The following ADORA2B variants were observed in gnomAD, a reference collection of about 807,000 sequenced individuals.
ADORA2B encodes the protein adenosine receptor A2b.
ADORA2B carries 18 observed loss-of-function variants against 20.8 expected under a neutral mutation model. That is an observed-to-expected ratio of 0.87 (90% CI 0.60 to 1.29). The LOEUF is 1.29. ADORA2B is among the 50% of genes most tolerant of loss of function. The pLI is 0.00. For missense variants in ADORA2B, 441 were observed against 422.7 expected (o/e 1.04, Z -0.38); for synonymous variants, 179 against 178.3 (o/e 1.00, Z -0.03).
the ADORA2B span, among the ~76,000 whole-genome samples, chr17:15,900,568 T>C: frequency 2.0e-5 from 3 of 151,862 alleles, no homozygotes; most frequent in Non-Finnish European, 4.4e-5. Flanking sequence ...CACCTCAGCC[T>C]CCCAAGTAGC....
chr17:15,924,527 C>T, the ADORA2B span, among the ~76,000 whole-genome samples: 3 of 151,978 alleles, frequency 2.0e-5, no homozygotes, highest in East Asian at 1.9e-4. Context: ...GTCAGGAGAT[C>T]GAGACCATCC....
At chr17:15,931,639 A>T in the ADORA2B span, among the ~76,000 whole-genome samples, 1 of 152,194 alleles carries the variant, frequency 6.6e-6, no homozygotes, top group Non-Finnish European at 1.5e-5. Context: ...TCTACACAGG[A>T]TCAAGTTACA....
At chr17:15,895,136 A>C in the ADORA2B span, among the ~76,000 whole-genome samples, 1 of 152,158 alleles carries the variant, frequency 6.6e-6, no homozygotes, top group Non-Finnish European at 1.5e-5. Flanking sequence ...GACCATCCAC[A>C]TGATTAGATG....
At chr17:15,903,216 A>G in the ADORA2B span, among the ~76,000 whole-genome samples, 1 of 152,250 alleles carries the variant, frequency 6.6e-6, no homozygotes, top group South Asian at 2.1e-4. Context: ...GGCTTTTGCA[A>G]GAAACATGGC....
upstream of ADORA2B, among the ~76,000 whole-genome samples, chr17:15,944,272 G>T (rs948562323): frequency 1.3e-5 from 2 of 152,162 alleles, no homozygotes; most frequent in Non-Finnish European, 2.9e-5. This position sits in a 1 kb window ranked among gnomAD's most constrained non-coding sequence, Gnocchi z 4.8. Flanking sequence ...CTCTCCTGGC[G>T]AGAGTCGGCA....
chr17:15,903,093 T>C, the ADORA2B span, among the ~76,000 whole-genome samples: 1 of 152,256 alleles, frequency 6.6e-6, no homozygotes, highest in Non-Finnish European at 1.5e-5. Flanking sequence ...GAAGTAATTA[T>C]AAACATCTAG....
chr17:15,967,656 T>G (rs1970138032), intron 1 of ADORA2B, among the ~76,000 whole-genome samples: 1 of 150,866 alleles, frequency 6.6e-6, no homozygotes, highest in Non-Finnish European at 1.5e-5. Context: ...AGAGTGAGAT[T>G]CCGTCTCAAA....
At chr17:15,926,750 C>T in the ADORA2B span, among the ~76,000 whole-genome samples, 1,328 of 152,170 alleles carry the variant, frequency 8.7e-3, 20 homozygotes, top group African/African-American at 0.03. Flanking sequence ...GTGGGAGGAT[C>T]GCTTGAGCTC....
At chr17:15,916,703 G>T in the ADORA2B span, among the ~76,000 whole-genome samples, 1 of 152,242 alleles carries the variant, frequency 6.6e-6, no homozygotes, top group Admixed American at 6.5e-5. Context: ...CTGTCTGCCT[G>T]TGGATTTCAT....
At chr17:15,936,033 ATTGTT>A in the ADORA2B span, among the ~76,000 whole-genome samples, 3 of 151,590 alleles carry the variant, frequency 2.0e-5, no homozygotes, top group East Asian at 1.9e-4. Flanking sequence ...TGCTCAGCTA[ATTGTT>A]TTGTTTTGTT....
At chr17:15,861,279 A>C in the ADORA2B span, among the ~76,000 whole-genome samples, 1 of 152,200 alleles carries the variant, frequency 6.6e-6, no homozygotes, top group African/African-American at 2.4e-5. Flanking sequence ...AGAGAAGTAG[A>C]AGTTCAGGGA....
At chr17:15,939,881 A>G in the ADORA2B span, among the ~76,000 whole-genome samples, 3 of 142,868 alleles carry the variant, frequency 2.1e-5, no homozygotes, top group Non-Finnish European at 4.5e-5. Context: ...AAAAAAAAAA[A>G]AGAAGTTACA....
chr17:15,957,381 G>C (rs1047276624), intron 1 of ADORA2B, among the ~76,000 whole-genome samples: 4 of 152,192 alleles, frequency 2.6e-5, no homozygotes, highest in African/African-American at 9.7e-5. Flanking sequence ...CCATTGTGGA[G>C]CAGTAATGAG....
chr17:15,863,022 T>C, the ADORA2B span, among the ~76,000 whole-genome samples: 1 of 152,192 alleles, frequency 6.6e-6, no homozygotes, highest in Admixed American at 6.5e-5. Flanking sequence ...TGCACCCAAA[T>C]AGATGAAGTC....
At chr17:15,944,960 C>A (rs1040116208), upstream of ADORA2B, 9 of 245,266 alleles carry the variant, frequency 3.7e-5, no homozygotes, top group Non-Finnish European at 7.0e-5. The surrounding 1 kb of genome is among the most constrained non-coding windows in gnomAD (Gnocchi z 4.8). Flanking sequence ...CGCGGCACGG[C>A]GCCTGGACCG....
chr17:15,959,767 T>C (rs1970013096), intron 1 of ADORA2B, among the ~76,000 whole-genome samples: 1 of 152,174 alleles, frequency 6.6e-6, no homozygotes, highest in Admixed American at 6.5e-5. Context: ...TCCCAAAGTG[T>C]TGGGATTACA....
At chr17:15,929,129 C>T in the ADORA2B span, among the ~76,000 whole-genome samples, 1,136 of 152,058 alleles carry the variant, frequency 7.5e-3, 8 homozygotes, top group Middle Eastern at 0.037. Flanking sequence ...GAGGGACATC[C>T]GAGAAGAGGC....
At chr17:15,882,690 A>C in the ADORA2B span, among the ~76,000 whole-genome samples, 6 of 152,176 alleles carry the variant, frequency 3.9e-5, no homozygotes, top group African/African-American at 1.4e-4. Context: ...TTTCCATATA[A>C]ATAGAAATAC....
chr17:15,956,334 G>T (rs1434561762), intron 1 of ADORA2B, among the ~76,000 whole-genome samples: 2 of 152,138 alleles, frequency 1.3e-5, no homozygotes, highest in East Asian at 3.9e-4. Context: ...GTGGGAGGGG[G>T]AGGGGATCAA....
Sources: allele counts gnomAD v4.1 joint callset (sites outside exome capture counted in the v4.1 genomes callset), GRCh38; gene constraint gnomAD v4.1.1; non-coding constraint Gnocchi (gnomAD v3.1); transcripts MANE v1.5; gene names NCBI Gene and HGNC (gene_info 2026-07-23, HGNC 2026-07-21).